Variants in CTSB observed in about 807,000 individuals in gnomAD.
CTSB encodes cathepsin B.
In CTSB, 57 loss-of-function variants were observed where a neutral mutation model predicts 44.3. That is an observed-to-expected ratio of 1.29 (90% CI 1.04 to 1.60). The LOEUF (loss-of-function observed/expected upper bound fraction) is 1.60, where lower values mean the gene tolerates loss of function less well. Ranked by LOEUF, CTSB falls within the 40% of genes most tolerant of loss-of-function variation. The pLI is 0.00. For synonymous variants in CTSB, 320 were observed against 168.0 expected (o/e 1.91, Z -7.00); for missense variants, 768 against 443.0 (o/e 1.73, Z -6.59).
rs944381942 is a variant in CTSB at position 11,854,435 on chromosome 8, C to G, written c.-25-956G>C. On this transcript the variant is annotated intron_variant, in intron 1 of 9. Transcript: ENST00000353047. ...TTAAACTTCATTGTTGCTTAAGCAA[C>G]AATTCATCTAGGAGAATAAATATAT... 8.6e-5 allele frequency among the ~76,000 whole-genome samples: 13 copies of G among 151,276 alleles called. No homozygotes were observed. The South Asian group carries it at 1.9e-3, about 22-fold the overall frequency.
At chr8:11,858,227 C>G (rs889439151) in intron 1 of CTSB, among the ~76,000 whole-genome samples, 1 of 152,252 alleles carries the variant, frequency 6.6e-6, no homozygotes, top group African/African-American at 2.4e-5. Flanking sequence ...ACTTCTAGCT[C>G]TCAGTTCACA....
At chr8:11,847,583 G>C (rs1813639347) in intron 7 of CTSB, 96 bp downstream of exon 7, 2 of 1,368,842 alleles carry the variant, frequency 1.5e-6, no homozygotes, top group East Asian at 5.0e-5. Context: ...GGGACCCCAA[G>C]GCTCCTCAGC....
chr8:11,847,641 C>T lies in CTSB; in HGVS notation c.676+38G>A, dbSNP rs373341466. On this transcript the variant is annotated intron_variant, in intron 7 of 9. Transcript: ENST00000353047. The stretch of plus-strand genomic sequence containing the variant: ...GAGGAGGGATGCAGCAGCTCCCCAG[C>T]CTCCACGTGCGCCGTGGCCAGGCCC... 2.7e-6 allele frequency: 4 copies of T among 1,502,082 alleles called. No individual in the cohort carries two copies. The African/African-American group carries it at 4.2e-5, about 16-fold the overall frequency. The allele number at this position is 1,502,082 out of a possible 1,614,324, so 93.0% of individuals were successfully genotyped here. A position where few individuals can be genotyped will look rare whatever the true frequency, so the allele number is the denominator to read the frequency against.
At chr8:11,846,626 G>GAGAA (rs1316095628) in intron 8 of CTSB, among the ~76,000 whole-genome samples, 2 of 152,304 alleles carry the variant, frequency 1.3e-5, no homozygotes, top group African/African-American at 4.8e-5. Context: ...CCTTTGCAAA[G>GAGAA]AGAAAGATGA....
chr8:11,850,365 G>A (rs1177615168), intron 4 of CTSB, among the ~76,000 whole-genome samples: 1 of 129,802 alleles, frequency 7.7e-6, no homozygotes, highest in Non-Finnish European at 1.5e-5. Context: ...GTTGCAGTGA[G>A]CCAATATCCC....
intron 8 of CTSB, among the ~76,000 whole-genome samples, chr8:11,846,676 A>G (rs1005520096): frequency 6.6e-6 from 1 of 152,238 alleles, no homozygotes; most frequent in East Asian, 1.9e-4. Flanking sequence ...ACGGCCTGCC[A>G]TTATAACAGA....
At chr8:11,853,025 C>T (rs545734682) in intron 2 of CTSB, among the ~76,000 whole-genome samples, 11 of 152,260 alleles carry the variant, frequency 7.2e-5, no homozygotes, top group Admixed American at 3.3e-4. Flanking sequence ...TGTGCCACGG[C>T]GGGCGTCACA....
At chr8:11,850,682 C>T (rs2131035652) in intron 4 of CTSB, 184 bp downstream of exon 4, 1 of 490,334 alleles carries the variant, frequency 2.0e-6, no homozygotes, top group East Asian at 3.2e-5. Context: ...CCCGCCACTC[C>T]ACCTAATCCT....
chr8:11,863,190 G>A (rs1816670783), intron 1 of CTSB, among the ~76,000 whole-genome samples: 1 of 152,144 alleles, frequency 6.6e-6, no homozygotes, highest in Non-Finnish European at 1.5e-5. Context: ...TAGGCTAGCG[G>A]TGGCTCAGGC....
chr8:11,862,666 G>A (rs923245423), intron 1 of CTSB, among the ~76,000 whole-genome samples: 2 of 152,228 alleles, frequency 1.3e-5, no homozygotes, highest in East Asian at 1.9e-4. Context: ...TCCAACCCTC[G>A]AATGGGAAAA....
At chr8:11,867,874 C>A (rs528151317) in intron 1 of CTSB, 127 bp downstream of exon 1, 1 of 152,238 alleles carries the variant, frequency 6.6e-6, no homozygotes, top group East Asian at 1.9e-4. Flanking sequence ...CCGCCGGCCC[C>A]CAGGGACGCC....
At chr8:11,853,526 G>T (rs375617937) in intron 1 of CTSB, 47 bp from the exon 2 acceptor site, 2 of 1,546,210 alleles carry the variant, frequency 1.3e-6, no homozygotes, top group Non-Finnish European at 1.8e-6. Flanking sequence ...TATGTGGGTC[G>T]AGGGCTCACA....
At position 11,849,032 on chromosome 8, in the gene CTSB, A is replaced by G. The variant is rs1216063204; in HGVS notation, c.446+14T>C. On this transcript the variant is annotated intron_variant, in intron 5 of 9. Transcript: ENST00000353047. ...TCAGCACTAAACCCGCTGTGGAAGC[A>G]CAGCCTGACTCACCCGTCCCCACAC... is the stretch of plus-strand genomic sequence containing the variant. 6.2e-7 allele frequency: 1 copy of G among 1,601,248 alleles called. No homozygotes were observed. Among genetic ancestry groups the G allele is most frequent in the Admixed American group, 1.7e-5 (1 of 59,890 alleles).
intron 1 of CTSB, chr8:11,862,443 C>T (rs1157764489): frequency 1.3e-5 from 2 of 152,238 alleles, no homozygotes; most frequent in Non-Finnish European, 2.9e-5. Flanking sequence ...CCAACGTTTG[C>T]ATCCCAGAGT....
intron 4 of CTSB, among the ~76,000 whole-genome samples, chr8:11,850,324 C>A (rs1231893063): frequency 6.9e-6 from 1 of 145,168 alleles, no homozygotes; most frequent in Non-Finnish European, 1.5e-5. Context: ...GAGACTGAGG[C>A]AGGAGAATTG....
intron 1 of CTSB, chr8:11,861,495 T>C (rs1255932912): frequency 1.3e-5 from 2 of 152,274 alleles, no homozygotes; most frequent in Non-Finnish European, 2.9e-5. Flanking sequence ...AGTGGAATAT[T>C]GTACAAGGTC....
chr8:11,852,706 G>C lies in CTSB; in HGVS notation c.127-11C>G. 2 of 1,613,046 alleles carry C rather than the reference G, an allele frequency of 1.2e-6. No individual in the cohort carries two copies. The highest frequency in any genetic ancestry group is 2.2e-5 in the South Asian group (2 of 91,058). ...GAAGTTGTGCCCGGCCTGGAAGAGA[G>C]TCACCCACTGACTGAAGGGTCTCCC... On this transcript the variant is annotated splice_polypyrimidine_tract_variant and intron_variant, in intron 2 of 9. Transcript: ENST00000353047.
At chr8:11,853,664 C>T (rs935440763) in intron 1 of CTSB, 185 bp from the exon 2 acceptor site, 5 of 551,252 alleles carry the variant, frequency 9.1e-6, no homozygotes, top group Admixed American at 3.4e-5. Flanking sequence ...GCCATGACCT[C>T]GTGTGGGTCC....
intron 1 of CTSB, among the ~76,000 whole-genome samples, chr8:11,859,349 C>T (rs776317935): frequency 2.0e-5 from 3 of 152,100 alleles, no homozygotes; most frequent in Non-Finnish European, 4.4e-5. Context: ...AGGGACCTTG[C>T]GATCCTGGAA....
Sources: allele counts gnomAD v4.1 joint callset (sites outside exome capture counted in the v4.1 genomes callset), GRCh38; gene constraint gnomAD v4.1.1; transcripts MANE v1.5; gene names NCBI Gene and HGNC (gene_info 2026-07-23, HGNC 2026-07-21).